The following SLC1A6 variants were observed in gnomAD, a reference collection of about 807,000 sequenced individuals.
The protein encoded by SLC1A6 is solute carrier family 1 member 6, also known as excitatory amino acid transporter 4.
SLC1A6 carries 15 observed loss-of-function variants against 42.1 expected under a neutral mutation model. The observed-to-expected ratio is 0.36, with a 90% CI of 0.24 to 0.55. SLC1A6 has a LOEUF of 0.55. Ranked by LOEUF, SLC1A6 falls within the 20% of genes least tolerant of loss-of-function variation. The pLI is 0.88. For missense variants in SLC1A6, 542 were observed against 772.5 expected (o/e 0.70, Z 3.54); for synonymous variants, 317 against 319.7 (o/e 0.99, Z 0.09).
intron 5 of SLC1A6, 46 bp downstream of exon 5, chr19:14,964,273 A>G: frequency 6.4e-7 from 1 of 1,571,124 alleles, no homozygotes; most frequent in Non-Finnish European, 8.8e-7. Flanking sequence ...CCAAGCTCCC[A>G]CCACCCTCCG....
intron 1 of SLC1A6, among the ~76,000 whole-genome samples, chr19:15,003,165 A>G (rs11085932): frequency 0.32 from 48,710 of 151,826 alleles, 7,971 homozygotes; most frequent in Non-Finnish European, 0.36. Flanking sequence ...TTTTGTACAG[A>G]TGGGGTTTCA....
intron 4 of SLC1A6, among the ~76,000 whole-genome samples, chr19:14,967,342 T>A (rs2045585988): frequency 6.6e-6 from 1 of 152,116 alleles, no homozygotes; most frequent in African/African-American, 2.4e-5. Context: ...ATGAGTACAG[T>A]CACCTGTAAA....
rs543569965 is a variant in SLC1A6 at position 14,995,844 on chromosome 19, G to A, written c.6+14641C>T. Among the ~76,000 whole-genome samples, 4 of 152,300 alleles carry A rather than the reference G, an allele frequency of 2.6e-5. No individual in the cohort carries two copies. The South Asian group carries it at 6.2e-4, about 24-fold the overall frequency. ...TCAGTTGACCTCATAGAAGAAGAGA[G>A]ATGGTAGATCACTGGTAGATCCAGG... On this transcript the variant is annotated intron_variant, in intron 1 of 8. Transcript: ENST00000430939.
At position 14,950,227 on chromosome 19, in the gene SLC1A6, G is replaced by C; in HGVS notation, c.1663C>G (p.Arg555Gly). Residue 555 changes from arginine (R) to glycine (G), a missense_variant, in exon 10 of 10, where the codon CGG becomes GGG. By Grantham distance (125) the Arg-to-Gly change is moderately radical. Around this residue, in one of 6 missense-constraint regions of SLC1A6, gnomAD observed 73 missense variants for 85.2 expected, o/e 0.86. Coordinates refer to ENST00000594383, the MANE Select transcript of SLC1A6 (RefSeq NM_005071.3). ...GCACTCTCGTTGCCTCCCCGTCCCC[G>C]GGATGCCCCCTTCTCCTGTGCCATG... ...SLMAQEKGAS[R>G]GRGGNESAM The C allele has an allele frequency of 1.9e-6, 3 of 1,589,232 alleles. No homozygotes were observed. The South Asian group carries it at 3.4e-5, about 18-fold the overall frequency.
At chr19:14,999,841 T>A in intron 1 of SLC1A6, among the ~76,000 whole-genome samples, 1 of 124,198 alleles carries the variant, frequency 8.1e-6, no homozygotes, top group East Asian at 3.0e-4. Context: ...ATAAAATAGG[T>A]TTTTTTGTTT....
At chr19:14,961,486 A>G (rs1456140244) in intron 6 of SLC1A6, 2 of 153,298 alleles carry the variant, frequency 1.3e-5, no homozygotes, top group Non-Finnish European at 2.9e-5. Flanking sequence ...TGAGTGAATG[A>G]ACAGATAAGC....
chr19:14,954,321 G>A lies in SLC1A6; in HGVS notation c.1178C>T (p.Thr393Met), dbSNP rs1242273336. 1 of 1,607,406 alleles carries A rather than the reference G, an allele frequency of 6.2e-7. No individual in the cohort carries two copies. The change falls in exon 8 of 10, where the codon ACG (threonine) becomes ATG (methionine). Residue 393 changes from threonine (T) to methionine (M), a missense_variant. Thr to Met is a moderately conservative substitution (Grantham distance 81). Coordinates refer to ENST00000594383, the MANE Select transcript of SLC1A6 (RefSeq NM_005071.3). ...CAGGCAGCGGAAGGTGATGGGCAGCGTTGCCGAGCTGGGGGAAAGAGCCCA... is the reference window on the plus strand; with the variant it reads ...CAGGCAGCGGAAGGTGATGGGCAGCATTGCCGAGCTGGGGGAAAGAGCCCA... ...TAMGTSSSSA[T>M]LPITFRCLEE... is the part of the protein sequence containing the mutation.
chr19:14,955,350 C>A (rs1017528026), intron 7 of SLC1A6, among the ~76,000 whole-genome samples: 6 of 151,934 alleles, frequency 3.9e-5, no homozygotes, highest in Non-Finnish European at 5.9e-5. Context: ...GAGAGCGAGA[C>A]GGGCAGATCA....
chr19:14,958,376 A>G (rs192672537), intron 6 of SLC1A6, among the ~76,000 whole-genome samples: 2 of 151,530 alleles, frequency 1.3e-5, no homozygotes, highest in Admixed American at 1.3e-4. Flanking sequence ...ACATCACTGC[A>G]CTCCAGCTTG....
In SLC1A6 at chr19:14,964,371, A is replaced by G; in HGVS notation, c.549-10T>C. 6.2e-7 allele frequency: 1 copy of G among 1,613,352 alleles called. No individual in the cohort carries two copies. The highest frequency in any genetic ancestry group is 8.5e-7 in the Non-Finnish European group (1 of 1,179,380). On this transcript the variant is annotated splice_polypyrimidine_tract_variant and intron_variant, in intron 4 of 9. Transcript: ENST00000594383. ...TGGTGGAAACATATTTCTGCAGAAA[A>G]ACATGAGAAGAAGGAAAGTGGTTAG... is the stretch of plus-strand genomic sequence containing the variant.
At chr19:15,003,738 A>T (rs1161515561) in intron 1 of SLC1A6, among the ~76,000 whole-genome samples, 1 of 152,084 alleles carries the variant, frequency 6.6e-6, no homozygotes, top group African/African-American at 2.4e-5. Flanking sequence ...TCCATTCTGC[A>T]ATTTCACTCG....
intron 1 of SLC1A6, chr19:14,977,374 C>T (rs1330502743): frequency 6.6e-6 from 1 of 152,180 alleles, no homozygotes; most frequent in African/African-American, 2.4e-5. Context: ...AGCTACAATG[C>T]CTGAGTTGAG....
rs1319458140 is a variant in SLC1A6, at chr19:14,972,921, C to T, written c.-7-4G>A. On this transcript the variant is annotated splice_polypyrimidine_tract_variant and splice_region_variant and intron_variant, in intron 1 of 9. Transcript: ENST00000594383. The stretch of plus-strand genomic sequence containing the variant: ...GCCATGGCTGCTCATGGTCTATCTG[C>T]GGGAAACAGAGAAGCCTGGGGCTGG... The T allele has an allele frequency of 2.6e-6, 4 of 1,559,712 alleles. No individual in the cohort carries two copies. The highest frequency in any genetic ancestry group is 2.3e-5 in the East Asian group (1 of 42,802).
intron 1 of SLC1A6, among the ~76,000 whole-genome samples, chr19:15,000,433 T>C (rs929373736): frequency 6.6e-6 from 1 of 152,226 alleles, no homozygotes; most frequent in South Asian, 2.1e-4. Context: ...GTTTGTCTTT[T>C]TTACCTTCCA....
intron 1 of SLC1A6, among the ~76,000 whole-genome samples, chr19:15,006,340 A>G (rs997685258): frequency 6.6e-6 from 1 of 152,182 alleles, no homozygotes; most frequent in African/African-American, 2.4e-5. Flanking sequence ...AATACAGACC[A>G]TAATATCCTC....
rs992497788 is a variant in SLC1A6, at chr19:14,979,366, A to C, written c.-65T>G. The C allele has an allele frequency of 6.6e-6, 1 of 152,348 alleles. No homozygotes were observed. Among genetic ancestry groups the C allele is most frequent in the Admixed American group, 6.5e-5 (1 of 15,284 alleles). The allele number at this position is 152,348 out of a possible 1,614,324, so 9.4% of individuals were successfully genotyped here. A position where few individuals can be genotyped will look rare whatever the true frequency, so the allele number is the denominator to read the frequency against. ...CTCTAAGGGGCAAGCAGGAGCTCAG[A>C]GACAAAGGGCGGCGGAGAAGTGGGG... On this transcript the variant is annotated 5_prime_UTR_variant, in exon 1 of 10. Transcript: ENST00000594383. This position sits in a 1 kb window ranked among gnomAD's most constrained non-coding sequence, Gnocchi z 4.2.
At chr19:15,010,221 G>C (rs1287260650) in intron 1 of SLC1A6, among the ~76,000 whole-genome samples, 1 of 73,326 alleles carries the variant, frequency 1.4e-5, no homozygotes, top group Non-Finnish European at 2.7e-5. Flanking sequence ...AAGAAAGAGA[G>C]AGAGAGAAAA....
upstream of SLC1A6, among the ~76,000 whole-genome samples, chr19:14,984,277 G>A (rs2045782291): frequency 6.6e-6 from 1 of 152,050 alleles, no homozygotes; most frequent in Non-Finnish European, 1.5e-5. Context: ...CCATTGTGGT[G>A]AGCCGAGATC....
In SLC1A6 at chr19:14,999,032, C is replaced by T. The variant is rs573230652; in HGVS notation, c.6+11453G>A. ...AGCTGGGACTACAGGTGCCCGCCAC[C>T]ACACCTGGCTAATTTTTTTGTATTT... On this transcript the variant is annotated intron_variant, in intron 1 of 8. Coordinates refer to the SLC1A6 transcript ENST00000430939. 6.6e-5 allele frequency among the ~76,000 whole-genome samples: 10 copies of T among 152,140 alleles called. No individual in the cohort carries two copies. The South Asian group carries it at 2.1e-3, about 32-fold the overall frequency.
Sources: allele counts gnomAD v4.1 joint callset (sites outside exome capture counted in the v4.1 genomes callset), GRCh38; gene constraint gnomAD v4.1.1; regional missense constraint gnomAD v4.1.1; non-coding constraint Gnocchi (gnomAD v3.1); transcripts MANE v1.5; gene names NCBI Gene and HGNC (gene_info 2026-07-23, HGNC 2026-07-21).